The following ATP13A3 variants were observed in gnomAD, a reference collection of about 807,000 sequenced individuals.
ATP13A3 encodes the protein ATPase 13A3, also known as polyamine-transporting ATPase 13A3.
A neutral mutation model predicts 158.1 loss-of-function variants in ATP13A3; 59 were observed. That is an observed-to-expected ratio of 0.37 (90% CI 0.30 to 0.46). ATP13A3 has a LOEUF of 0.46. Ranked by LOEUF, ATP13A3 falls within the 20% of genes least tolerant of loss-of-function variation. The pLI, the probability that ATP13A3 is intolerant of heterozygous loss-of-function variation, is 1.00. For synonymous variants in ATP13A3, 491 were observed against 504.3 expected (o/e 0.97, Z 0.35); for missense variants, 1,166 against 1,525.2 (o/e 0.76, Z 3.92).
chr3:194,436,053 A>G (rs1173356513), intron 20 of ATP13A3, among the ~76,000 whole-genome samples: 2 of 152,234 alleles, frequency 1.3e-5, no homozygotes, highest in Admixed American at 1.3e-4. Context: ...AGTAGGAATT[A>G]GGATATAATA....
At chr3:194,408,022 T>G (rs1577018606) in intron 33 of ATP13A3, among the ~76,000 whole-genome samples, 2 of 134,802 alleles carry the variant, frequency 1.5e-5, no homozygotes, top group South Asian at 4.7e-4. Context: ...AGCTGTCACC[T>G]TTTTTTTTTT....
At chr3:194,438,712 G>C in intron 17 of ATP13A3, 144 bp downstream of exon 17, 1 of 455,310 alleles carries the variant, frequency 2.2e-6, no homozygotes, top group Non-Finnish European at 3.7e-6. Flanking sequence ...CAAGGTTGAG[G>C]GGGATCATTT....
At chr3:194,446,256 G>T (rs1287923283) in intron 14 of ATP13A3, among the ~76,000 whole-genome samples, 1 of 152,152 alleles carries the variant, frequency 6.6e-6, no homozygotes, top group Non-Finnish European at 1.5e-5. Flanking sequence ...GGAGAGCTGA[G>T]GCCCAGCCGC....
At chr3:194,464,584 C>T (rs1246324775) in intron 2 of ATP13A3, among the ~76,000 whole-genome samples, 2 of 152,198 alleles carry the variant, frequency 1.3e-5, no homozygotes, top group African/African-American at 4.8e-5. Context: ...CTATCATCAC[C>T]TGAATGTGTA....
chr3:194,429,139 G>A lies in ATP13A3; in HGVS notation c.2875-222C>T, dbSNP rs78075401. ...TATAAAAGGCATCTCCTTAAAATTCGTTCAATAGGCTGGGCGCGGTGACTC... is the reference window on the plus strand; with the variant it reads ...TATAAAAGGCATCTCCTTAAAATTCATTCAATAGGCTGGGCGCGGTGACTC... On this transcript the variant is annotated intron_variant, in intron 27 of 33. Coordinates refer to ENST00000645319, the MANE Select transcript of ATP13A3 (RefSeq NM_001367549.1). Among the ~76,000 whole-genome samples, 13 of 152,032 alleles carry A rather than the reference G, an allele frequency of 8.6e-5. No homozygotes were observed. The East Asian group carries it at 1.3e-3, about 16-fold the overall frequency.
rs181835185 is a variant in ATP13A3, at chr3:194,416,505, C to T, written c.3403-2666G>A. 2.2e-4 allele frequency among the ~76,000 whole-genome samples: 34 copies of T among 152,108 alleles called. No homozygotes were observed. The East Asian group carries it at 5.8e-3, about 26-fold the overall frequency. The stretch of plus-strand genomic sequence containing the variant: ...AATTTAAAACCACTTATGTTAACAA[C>T]ACTGTACAACTAAGGAAGCTTCCTT... On this transcript the variant is annotated intron_variant, in intron 31 of 33. Transcript: ENST00000645319.
At chr3:194,476,231 A>G (rs2109040540) in intron 2 of ATP13A3, among the ~76,000 whole-genome samples, 1 of 152,162 alleles carries the variant, frequency 6.6e-6, no homozygotes, top group African/African-American at 2.4e-5. Flanking sequence ...TAATTTTCCT[A>G]TTAATATTCC....
chr3:194,414,532 T>TA (rs1317918550), intron 31 of ATP13A3, among the ~76,000 whole-genome samples: 1 of 149,898 alleles, frequency 6.7e-6, no homozygotes, highest in Non-Finnish European at 1.5e-5. Flanking sequence ...GACAACTTCA[T>TA]AAAAAAAGAT....
chr3:194,466,389 C>T (rs1719990698), intron 2 of ATP13A3, among the ~76,000 whole-genome samples: 1 of 152,134 alleles, frequency 6.6e-6, no homozygotes, highest in Non-Finnish European at 1.5e-5. Context: ...TGCAAATTAC[C>T]AGTATCAGTA....
In ATP13A3 at chr3:194,412,262, C is replaced by T; in HGVS notation, c.3510G>A (p.Trp1170Ter). The T allele has an allele frequency of 6.5e-7, 1 of 1,536,282 alleles. No individual in the cohort carries two copies. The change falls in exon 33 of 34, where the codon TGG becomes TGA. Residue 1170 changes from tryptophan to a stop codon, truncating the protein, a stop_gained. Transcript: ENST00000645319. LOFTEE classifies it high-confidence loss of function. ...VENFFLDMVL[W>*]KVVFNRDKQG... ...GTTTGTCTCGGTTGAACACAACTTT[C>T]CAAAGGACCATGTCAAGGAAGAAGT... is the stretch of plus-strand genomic sequence containing the variant.
Position 194,448,522 on chromosome 3 carries a change from C to G in ATP13A3, c.1085G>C (p.Gly362Ala). 1 of 1,613,886 alleles carries G rather than the reference C, an allele frequency of 6.2e-7. No individual in the cohort carries two copies. Among genetic ancestry groups the G allele is most frequent in the Non-Finnish European group, 8.5e-7 (1 of 1,179,944 alleles). Residue 362 changes from glycine (G) to alanine (A), a missense_variant, in exon 12 of 34, where the codon GGG (glycine) becomes GCG (alanine). Gly to Ala is a moderately conservative substitution (Grantham distance 60, BLOSUM62 0). This residue lies in a region of ATP13A3 where 997 missense variants were observed against 1,341.2 expected (regional missense o/e 0.74). Transcript: ENST00000645319. This position sits in a 1 kb window ranked among gnomAD's most constrained non-coding sequence, Gnocchi z 4.0. ...GAAACGAGTCTGAATAACAGTTGTC[C>G]CACAAAACAAAGTATGTCGTTTATG... ...ETHKRHTLFC[G>A]TTVIQTRFYT...
chr3:194,450,123 G>T (rs767920043), intron 11 of ATP13A3, 22 bp downstream of exon 11: 1 of 1,610,630 alleles, frequency 6.2e-7, no homozygotes, highest in South Asian at 1.1e-5. Context: ...AACTCATGTT[G>T]ATATTTACTC....
chr3:194,439,023 T>C, intron 16 of ATP13A3, 51 bp from the exon 17 acceptor site: 1 of 1,199,092 alleles, frequency 8.3e-7, no homozygotes, highest in South Asian at 1.4e-5. Context: ...ATTCAAGCAC[T>C]GCTTCATAAA....
chr3:194,449,097 G>A (rs1487586371), intron 11 of ATP13A3, among the ~76,000 whole-genome samples: 1 of 145,552 alleles, frequency 6.9e-6, no homozygotes, highest in Non-Finnish European at 1.5e-5. Context: ...ACACAGAACA[G>A]AAAAGACAGC....
At chr3:194,493,500 A>G (rs1344137774) in intron 2 of ATP13A3, among the ~76,000 whole-genome samples, 1 of 152,026 alleles carries the variant, frequency 6.6e-6, no homozygotes, top group Non-Finnish European at 1.5e-5. Context: ...TACAAAAATT[A>G]GCCAGGTGTG....
intron 2 of ATP13A3, among the ~76,000 whole-genome samples, chr3:194,464,639 G>A (rs1008701884): frequency 1.3e-5 from 2 of 152,120 alleles, no homozygotes; most frequent in African/African-American, 2.4e-5. Context: ...ATAAACCAAA[G>A]ACCTTTTGCT....
Position 194,448,825 on chromosome 3 carries a change from C to T in ATP13A3, c.971-189G>A, listed in dbSNP as rs1325626330. On this transcript the variant is annotated intron_variant, in intron 11 of 33. Coordinates refer to ENST00000645319, the MANE Select transcript of ATP13A3 (RefSeq NM_001367549.1). The surrounding 1 kb of genome is among the most constrained non-coding windows in gnomAD (Gnocchi z 4.0). ...AATTTTTTGTCTACCAATTTCCTCA[C>T]ATAGAAGTATCAAATATTATCTCCC... Among the ~76,000 whole-genome samples the T allele has an allele frequency of 6.6e-6, 1 of 152,198 alleles. No individual in the cohort carries two copies. The highest frequency in any genetic ancestry group is 1.5e-5 in the Non-Finnish European group (1 of 68,042).
chr3:194,431,428 A>T (rs982026188), intron 22 of ATP13A3, among the ~76,000 whole-genome samples: 24 of 152,232 alleles, frequency 1.6e-4, no homozygotes, highest in Non-Finnish European at 7.3e-5. Flanking sequence ...ACTGAGTATG[A>T]TGGACCACCT....
At chr3:194,430,433 T>G in intron 24 of ATP13A3, 118 bp from the exon 25 acceptor site, 1 of 1,126,372 alleles carries the variant, frequency 8.9e-7, no homozygotes. Context: ...ATTCCCCCAG[T>G]GGAACTATGA....
Sources: gnomAD v4.1 joint callset for allele counts (sites outside exome capture counted in the v4.1 genomes callset) on GRCh38, gnomAD v4.1.1 for gene constraint, gnomAD v4.1.1 regional missense constraint, Gnocchi (gnomAD v3.1) non-coding constraint, MANE v1.5 for transcripts, NCBI Gene and HGNC (gene_info 2026-07-23, HGNC 2026-07-21) for gene names.